The following PI4KA variants were observed in gnomAD, a reference collection of about 807,000 sequenced individuals.
PI4KA encodes the protein phosphatidylinositol 4-kinase alpha.
Under a neutral mutation model 271.4 loss-of-function variants are expected in PI4KA, and 122 were observed. The observed-to-expected ratio is 0.45, with a 90% confidence interval of 0.39 to 0.52. The LOEUF (loss-of-function observed/expected upper bound fraction) is 0.52, where lower values mean the gene tolerates loss of function less well. Among genes scored for constraint, PI4KA ranks in the 20% least tolerant of loss-of-function variants. The pLI, the probability that PI4KA is intolerant of heterozygous loss-of-function variation, is 0.00. For missense variants in PI4KA, 1,969 were observed against 2,769.1 expected (o/e 0.71, Z 6.48); for synonymous variants, 1,041 against 1,078.8 (o/e 0.96, Z 0.69).
chr22:20,782,263 T>A (rs1468576259), intron 19 of PI4KA, among the ~76,000 whole-genome samples: 2 of 152,090 alleles, frequency 1.3e-5, no homozygotes, highest in Non-Finnish European at 2.9e-5. Flanking sequence ...GGTGGAGAAA[T>A]GATCAGGCAT....
At chr22:20,841,696 A>T (rs1326920153) in intron 1 of PI4KA, among the ~76,000 whole-genome samples, 1 of 152,184 alleles carries the variant, frequency 6.6e-6, no homozygotes, top group Non-Finnish European at 1.5e-5. Flanking sequence ...ATGGCAAAAG[A>T]GACCTTCCAG....
chr22:20,838,803 T>A (rs1288737070), intron 1 of PI4KA, 72 bp from the exon 2 acceptor site: 3 of 869,710 alleles, frequency 3.4e-6, no homozygotes, highest in Non-Finnish European at 5.8e-6. Flanking sequence ...GCAAGCTGAG[T>A]GCAGTGTCAT....
At chr22:20,784,153 T>C in intron 19 of PI4KA, 1 of 1,614,116 alleles carries the variant, frequency 6.2e-7, no homozygotes. Context: ...GCATGCTAAT[T>C]GTGGTCCCAC....
At chr22:20,763,968 T>C (rs1013131022) in intron 22 of PI4KA, among the ~76,000 whole-genome samples, 3 of 152,150 alleles carry the variant, frequency 2.0e-5, no homozygotes, top group East Asian at 3.8e-4. Context: ...TACTAGAGGG[T>C]TGGTGGCAAC....
Position 20,793,183 on chromosome 22 carries a change from G to T in PI4KA, c.2328+10C>A. ...CTGCAGTTTTTATCATTCAATTAATGAATACTCACCACAGCTATTACAGGA... is the reference window on the plus strand; with the variant it reads ...CTGCAGTTTTTATCATTCAATTAATTAATACTCACCACAGCTATTACAGGA... On this transcript the variant is annotated intron_variant, in intron 19 of 54. Coordinates refer to ENST00000255882, the MANE Select transcript of PI4KA (RefSeq NM_058004.4). 1 of 1,482,934 alleles carries T rather than the reference G, an allele frequency of 6.7e-7. No individual in the cohort carries two copies. Among genetic ancestry groups the T allele is most frequent in the Non-Finnish European group, 9.4e-7 (1 of 1,060,548 alleles). The allele number at this position is 1,482,934 out of a possible 1,614,324, so 91.9% of individuals were successfully genotyped here. A position where few individuals can be genotyped will look rare whatever the true frequency, so the allele number is the denominator to read the frequency against.
At chr22:20,783,466 A>T (rs533453356) in intron 19 of PI4KA, among the ~76,000 whole-genome samples, 1 of 151,572 alleles carries the variant, frequency 6.6e-6, no homozygotes, top group African/African-American at 2.4e-5. Flanking sequence ...AGAAAGAAAA[A>T]ATAGCCAGGC....
intron 8 of PI4KA, 22 bp from the exon 9 acceptor site, chr22:20,811,054 A>T: frequency 1.3e-6 from 2 of 1,580,882 alleles, no homozygotes; most frequent in Non-Finnish European, 1.7e-6. Flanking sequence ...ACAGAACCTC[A>T]TGAAGCAACT....
Position 20,799,866 on chromosome 22 carries a change from C to T in PI4KA, c.1725-100G>A, listed in dbSNP as rs2147592812. Reference sequence around the variant, plus strand: ...CCTTAGGCCTACAAAGTTTAAAGAACTGCTCTGAATTTTCTTCCCCCCAAA... The same window carrying T: ...CCTTAGGCCTACAAAGTTTAAAGAATTGCTCTGAATTTTCTTCCCCCCAAA... On this transcript the variant is annotated intron_variant, in intron 14 of 54. Coordinates refer to ENST00000255882, the MANE Select transcript of PI4KA (RefSeq NM_058004.4). 6 of 682,314 alleles carry T rather than the reference C, an allele frequency of 8.8e-6. No homozygotes were observed. In the South Asian group the frequency reaches 1.2e-4, roughly 13 times the overall value. 42.3% of individuals were successfully genotyped at this position (682,314 alleles called of 1,614,324 possible). A position where few individuals can be genotyped will look rare whatever the true frequency, so the allele number is the denominator to read the frequency against.
intron 19 of PI4KA, among the ~76,000 whole-genome samples, chr22:20,769,559 C>T (rs1188372947): frequency 2.6e-5 from 4 of 151,894 alleles, no homozygotes; most frequent in African/African-American, 4.8e-5. Flanking sequence ...GTCCCAGGTA[C>T]TCGGGAGGCT....
Position 20,783,865 on chromosome 22 carries a change from C to T in PI4KA, c.2328+9328G>A. 2.0e-6 allele frequency: 3 copies of T among 1,470,982 alleles called. No individual in the cohort carries two copies. The Admixed American group carries it at 5.0e-5, about 25-fold the overall frequency. 91.1% of individuals were successfully genotyped at this position (1,470,982 alleles called of 1,614,324 possible). On this transcript the variant is annotated intron_variant, in intron 19 of 54. Transcript: ENST00000255882. ...TCAAGAGACTGTGGGGTCGGCTCTGCAGGCTATCTGAATGAGGCCTCCAGG... is the reference window on the plus strand; with the variant it reads ...TCAAGAGACTGTGGGGTCGGCTCTGTAGGCTATCTGAATGAGGCCTCCAGG...
chr22:20,753,765 C>T (rs982548557), intron 23 of PI4KA, among the ~76,000 whole-genome samples: 14 of 151,954 alleles, frequency 9.2e-5, no homozygotes, highest in African/African-American at 3.1e-4. Context: ...TGGCTCACTG[C>T]AACCTCCGCC....
chr22:20,760,239 T>G (rs964803809), intron 23 of PI4KA, among the ~76,000 whole-genome samples: 1 of 152,202 alleles, frequency 6.6e-6, no homozygotes, highest in African/African-American at 2.4e-5. Flanking sequence ...CCAATTCCCT[T>G]GCATATTTAA....
At chr22:20,838,502 G>T in intron 2 of PI4KA, 113 bp downstream of exon 2, 1 of 693,388 alleles carries the variant, frequency 1.4e-6, no homozygotes, top group Non-Finnish European at 2.6e-6. Flanking sequence ...CTTTGATTAG[G>T]TTCAAATGTA....
At chr22:20,730,813 A>G (rs1431949857) in intron 36 of PI4KA, among the ~76,000 whole-genome samples, 3 of 151,796 alleles carry the variant, frequency 2.0e-5, no homozygotes, top group Middle Eastern at 3.4e-3. Context: ...CAAATGATCC[A>G]CCTGCCTTGG....
rs868746747 is a variant in PI4KA, at chr22:20,774,629, C to A, written c.2329-8936G>T. Among the ~76,000 whole-genome samples the A allele has an allele frequency of 5.3e-5, 8 of 152,118 alleles. No homozygotes were observed. The Middle Eastern group carries it at 0.014, about 259-fold the overall frequency. ...TACAAAAATTAGCTGGGCGTGGTGG[C>A]ACGCGCCTGTAATCCCAGCTACTCA... On this transcript the variant is annotated intron_variant, in intron 19 of 54. Coordinates refer to ENST00000255882, the MANE Select transcript of PI4KA (RefSeq NM_058004.4).
intron 1 of PI4KA, among the ~76,000 whole-genome samples, chr22:20,844,790 T>C (rs1171881284): frequency 1.3e-5 from 2 of 152,174 alleles, no homozygotes; most frequent in Non-Finnish European, 2.9e-5. Flanking sequence ...GCTCATTAGG[T>C]AGCTATTATT....
chr22:20,788,225 T>C lies in PI4KA; in HGVS notation c.2328+4968A>G, dbSNP rs111710824. 7.4e-3 allele frequency among the ~76,000 whole-genome samples: 1,120 copies of C among 152,292 alleles called. 12 individuals are homozygous for C. The highest frequency in any genetic ancestry group is 0.025 in the African/African-American group (1,043 of 41,538). Reference sequence around the variant, plus strand: ...AGGAAGACAAGGGTTGGAAGAGTTCTGAAACCTGTCCAAGATGCTGAAGTA... The same window carrying C: ...AGGAAGACAAGGGTTGGAAGAGTTCCGAAACCTGTCCAAGATGCTGAAGTA... On this transcript the variant is annotated intron_variant, in intron 19 of 54. Transcript: ENST00000255882.
intron 19 of PI4KA, chr22:20,780,195 T>C (rs1392481233): frequency 3.1e-6 from 5 of 1,614,128 alleles, no homozygotes; most frequent in Non-Finnish European, 4.2e-6. Flanking sequence ...CTGCATCTAC[T>C]TCAAAGGTAA....
rs372449911 is a variant in PI4KA, at chr22:20,800,637, C to T, written c.1725-871G>A. Among the ~76,000 whole-genome samples, 10 of 148,980 alleles carry T rather than the reference C, an allele frequency of 6.7e-5. No homozygotes were observed. The East Asian group carries it at 1.8e-3, about 27-fold the overall frequency. ...CAGCACTTTGGGAGGCACAGGTGGG[C>T]GGATCACAAGGTCAGGAGATCAAGA... On this transcript the variant is annotated intron_variant, in intron 14 of 54. Coordinates refer to ENST00000255882, the MANE Select transcript of PI4KA (RefSeq NM_058004.4).
Sources: allele counts gnomAD v4.1 joint callset (sites outside exome capture counted in the v4.1 genomes callset), GRCh38; gene constraint gnomAD v4.1.1; transcripts MANE v1.5; gene names NCBI Gene and HGNC (gene_info 2026-07-23, HGNC 2026-07-21).